Variants in HS1BP3 observed in about 807,000 individuals in gnomAD.
HS1BP3 encodes HCLS1-binding protein 3.
A neutral mutation model predicts 33.5 loss-of-function variants in HS1BP3; 32 were observed. That is an observed-to-expected ratio of 0.95 (90% CI 0.72 to 1.28). HS1BP3 has a LOEUF of 1.28. Ranked by LOEUF, HS1BP3 falls within the 50% of genes most tolerant of loss-of-function variation. HS1BP3 has a pLI of 0.00. For synonymous variants in HS1BP3, 187 were observed against 209.2 expected (o/e 0.89, Z 0.92); for missense variants, 486 against 502.3 (o/e 0.97, Z 0.31).
At chr2:20,609,585 G>C (rs1255230263) in intron 2 of HS1BP3, among the ~76,000 whole-genome samples, 1 of 152,216 alleles carries the variant, frequency 6.6e-6, no homozygotes, top group African/African-American at 2.4e-5. Context: ...TTGCTCAGCT[G>C]TGTGTCATCC....
intron 2 of HS1BP3, among the ~76,000 whole-genome samples, chr2:20,608,201 C>G (rs918813282): frequency 6.6e-6 from 1 of 151,888 alleles, no homozygotes; most frequent in African/African-American, 2.4e-5. Context: ...GGTTCTCCTG[C>G]TTATTTTACT....
In HS1BP3 at chr2:20,597,589, T is replaced by C. The variant is rs542732321; in HGVS notation, c.*12+619A>G. ...CCTCTGCCAAGCAGAATTCTCCACA[T>C]GGAGAAACCTCCCCTCTTACTGATT... is the stretch of plus-strand genomic sequence containing the variant. On this transcript the variant is annotated intron_variant, in intron 3 of 3. Coordinates refer to the HS1BP3 transcript ENST00000415264. Among the ~76,000 whole-genome samples the C allele has an allele frequency of 7.6e-4, 116 of 152,006 alleles. 1 individual carries two copies. Among genetic ancestry groups the C allele is most frequent in the Non-Finnish European group, 1.5e-3 (100 of 67,994 alleles).
downstream of HS1BP3, among the ~76,000 whole-genome samples, chr2:20,614,967 G>A (rs960852300): frequency 6.6e-6 from 1 of 152,242 alleles, no homozygotes; most frequent in Non-Finnish European, 1.5e-5. Context: ...GTGGGATTCT[G>A]TGTGTCGCAG....
rs771349806 is a variant in HS1BP3, at chr2:20,645,329, C to CT, written c.198+10dup. The CT allele has an allele frequency of 6.2e-7, 1 of 1,612,222 alleles. No individual in the cohort carries two copies. Among genetic ancestry groups the CT allele is most frequent in the Admixed American group, 1.7e-5 (1 of 59,884 alleles). ...ACCCTCGAAACATCCTGGCCAGAGC[C>CT]TCCGGCTCACCAAGAACTGGACGAC... On this transcript the variant is annotated intron_variant, in intron 2 of 6. Transcript: ENST00000304031.
At chr2:20,563,076 C>T (rs1379291757) in intron 5 of HS1BP3, among the ~76,000 whole-genome samples, 2 of 152,234 alleles carry the variant, frequency 1.3e-5, no homozygotes, top group Non-Finnish European at 2.9e-5. Context: ...CTAAAAATAT[C>T]TGAGAACCCT....
chr2:20,564,546 T>C (rs1231176153), intron 5 of HS1BP3, among the ~76,000 whole-genome samples: 2 of 152,164 alleles, frequency 1.3e-5, no homozygotes, highest in Non-Finnish European at 2.9e-5. Context: ...TGCAGTGGTA[T>C]GATCTTGGCT....
At chr2:20,604,818 T>C (rs6756179) in intron 2 of HS1BP3, among the ~76,000 whole-genome samples, 81,985 of 151,874 alleles carry the variant, frequency 0.54, 25,195 homozygotes, top group East Asian at 0.76. Flanking sequence ...AGAGAGACTC[T>C]GCCACGGAGT....
downstream of HS1BP3, among the ~76,000 whole-genome samples, chr2:20,590,281 G>A (rs16987861): frequency 0.019 from 2,929 of 152,296 alleles, 102 homozygotes; most frequent in African/African-American, 0.067. Context: ...TCACTTCTGA[G>A]TCAGCTGTGA....
At chr2:20,609,841 C>G (rs115769127) in intron 2 of HS1BP3, among the ~76,000 whole-genome samples, 1 of 152,156 alleles carries the variant, frequency 6.6e-6, no homozygotes, top group East Asian at 1.9e-4. Context: ...CCCCCAGCCC[C>G]TTGACTCAGT....
At chr2:20,566,125 T>G (rs140492192) in intron 5 of HS1BP3, among the ~76,000 whole-genome samples, 1,881 of 152,338 alleles carry the variant, frequency 0.012, 29 homozygotes, top group East Asian at 0.052. Flanking sequence ...CAGCTCCTGC[T>G]ACACTCACCA....
rs760156212 is a variant in HS1BP3, at chr2:20,645,377, G to A, written c.161C>T (p.Ser54Leu). The A allele has an allele frequency of 1.7e-5, 27 of 1,613,882 alleles. No individual in the cohort carries two copies. The highest frequency in any genetic ancestry group is 6.7e-5 in the African/African-American group (5 of 74,938). The change falls in exon 2 of 7, where the codon TCG becomes TTG. Residue 54 changes from serine (S) to leucine (L), a missense_variant. By Grantham distance (145) the Ser-to-Leu change is moderately radical. Coordinates refer to ENST00000304031, the MANE Select transcript of HS1BP3 (RefSeq NM_022460.4). The stretch of plus-strand genomic sequence containing the variant: ...GACATCCTCGGGCCTGTGCTTGGCC[G>A]ACTTGAACGCAGCCAGACGGGTCAC... ...LVVTRLAAFK[S>L]AKHRPEDVVQ...
chr2:20,615,757 C>T (rs1342884099), downstream of HS1BP3, among the ~76,000 whole-genome samples: 1 of 152,224 alleles, frequency 6.6e-6, no homozygotes, highest in Non-Finnish European at 1.5e-5. Context: ...CCCAGGTGGC[C>T]GCTGGACAAT....
intron 2 of HS1BP3, among the ~76,000 whole-genome samples, chr2:20,643,930 C>T (rs1045405120): frequency 6.6e-6 from 1 of 152,060 alleles, no homozygotes; most frequent in Admixed American, 6.6e-5. Context: ...GAGATCCTAT[C>T]TCTTAAAAAA....
chr2:20,575,064 G>A lies in HS1BP3; in HGVS notation c.303-14549C>T, dbSNP rs150079662. 4.9e-4 allele frequency among the ~76,000 whole-genome samples: 74 copies of A among 152,322 alleles called. 1 individual carries two copies. The highest frequency in any genetic ancestry group is 1.5e-3 in the African/African-American group (64 of 41,578). On this transcript the variant is annotated intron_variant, in intron 5 of 5. Coordinates refer to the HS1BP3 transcript ENST00000446825. The stretch of plus-strand genomic sequence containing the variant: ...TTCCTAGCTCATTAATGCAGACAAC[G>A]TAAACGTCTGGATGCCTAAGGACAA...
chr2:20,629,306 GTCCTCC>G (rs374778522), intron 4 of HS1BP3, among the ~76,000 whole-genome samples: 3 of 152,088 alleles, frequency 2.0e-5, no homozygotes, highest in African/African-American at 7.2e-5. Context: ...CTCCTCCCTG[GTCCTCC>G]TCCTCCTCCA....
At chr2:20,645,959 G>T (rs1456468733) in intron 1 of HS1BP3, among the ~76,000 whole-genome samples, 1 of 152,196 alleles carries the variant, frequency 6.6e-6, no homozygotes, top group Non-Finnish European at 1.5e-5. Flanking sequence ...CCCCCTGGGG[G>T]GGACACGGGA....
At position 20,646,003 on chromosome 2, in the gene HS1BP3, G is replaced by A. The variant is rs370058902; in HGVS notation, c.33-498C>T. On this transcript the variant is annotated intron_variant, in intron 1 of 6. Transcript: ENST00000304031. The stretch of plus-strand genomic sequence containing the variant: ...GGAGGCAGGACCCTTGTGACCCACC[G>A]TGGCCCAGAGAGGCACTGATAGGCC... Among the ~76,000 whole-genome samples the A allele has an allele frequency of 1.6e-3, 249 of 152,332 alleles. 1 individual carries two copies. Among genetic ancestry groups the A allele is most frequent in the South Asian group, 0.011 (51 of 4,832 alleles).
chr2:20,616,483 G>A (rs1369051731), downstream of HS1BP3, among the ~76,000 whole-genome samples: 1 of 152,214 alleles, frequency 6.6e-6, no homozygotes, highest in Non-Finnish European at 1.5e-5. Context: ...ACCTGAAAGG[G>A]CCCCAGGGCC....
chr2:20,619,110 C>A lies in HS1BP3; in HGVS notation c.1056G>T (p.Pro352=). ...RKPAVPPKAG[P]AEAVAGQQKP... ...TCTGCTGCCCAGCCACAGCTTCAGC[C>A]GGGCCCGCTTTGGGGGGAACAGCTG... is the stretch of plus-strand genomic sequence containing the variant. Residue 352 remains proline (P), a synonymous_variant, in exon 7 of 7, where the codon CCG becomes CCT. Transcript: ENST00000304031. 6.2e-7 allele frequency: 1 copy of A among 1,614,172 alleles called. No homozygotes were observed. The highest frequency in any genetic ancestry group is 1.1e-5 in the South Asian group (1 of 91,088).
Sources: gnomAD v4.1 joint callset for allele counts (sites outside exome capture counted in the v4.1 genomes callset) on GRCh38, gnomAD v4.1.1 for gene constraint, MANE v1.5 for transcripts, NCBI Gene and HGNC (gene_info 2026-07-23, HGNC 2026-07-21) for gene names.